Variants in RGS7 observed in about 807,000 individuals in gnomAD.
RGS7 encodes the protein regulator of G protein signaling 7, also known as regulator of G-protein signaling 7.
A neutral mutation model predicts 81.1 loss-of-function variants in RGS7; 27 were observed. That is an observed-to-expected ratio of 0.33 (90% CI 0.25 to 0.46). The LOEUF (loss-of-function observed/expected upper bound fraction) is 0.46, where lower values mean the gene tolerates loss of function less well. Among genes scored for constraint, RGS7 ranks in the 20% least tolerant of loss-of-function variants. The pLI is 1.00. For missense variants in RGS7, 396 were observed against 607.4 expected (o/e 0.65, Z 3.66); for synonymous variants, 208 against 207.7 (o/e 1.00, Z -0.01).
intron 3 of RGS7, among the ~76,000 whole-genome samples, chr1:241,046,308 C>CACT (rs1558642864): frequency 6.4e-5 from 1 of 15,656 alleles, no homozygotes; most frequent in Non-Finnish European, 2.2e-4. Flanking sequence ...CCTGACCCCC[C>CACT]CCCCCTTTTC....
At chr1:240,794,706 T>G (rs1267576917) in intron 18 of RGS7, among the ~76,000 whole-genome samples, 1 of 152,186 alleles carries the variant, frequency 6.6e-6, no homozygotes, top group East Asian at 1.9e-4. Context: ...GATTTGACAC[T>G]GTACTGCACT....
intron 9 of RGS7, among the ~76,000 whole-genome samples, chr1:240,845,796 C>T (rs563628774): frequency 6.6e-6 from 1 of 152,266 alleles, no homozygotes; most frequent in South Asian, 2.1e-4. Flanking sequence ...ATCCAGGTGG[C>T]ATGCATTTAA....
chr1:241,044,811 T>A (rs1475593737), intron 3 of RGS7, among the ~76,000 whole-genome samples: 1 of 152,194 alleles, frequency 6.6e-6, no homozygotes, highest in East Asian at 1.9e-4. Flanking sequence ...TGCCTCCATA[T>A]CTATAATCTT....
chr1:241,180,114 C>T (rs2071481216), intron 2 of RGS7, among the ~76,000 whole-genome samples: 1 of 152,116 alleles, frequency 6.6e-6, no homozygotes, highest in South Asian at 2.1e-4. Flanking sequence ...GTGGCTCACA[C>T]CTGTCATCCC....
chr1:241,132,741 A>ATTTATTTG (rs1553265451), intron 2 of RGS7, among the ~76,000 whole-genome samples: 9,256 of 151,082 alleles, frequency 0.061, 333 homozygotes, highest in Admixed American at 0.077. Context: ...TCAACTTATT[A>ATTTATTTG]TTTGTTTGTT....
At chr1:241,230,558 C>T (rs2148056733) in intron 2 of RGS7, among the ~76,000 whole-genome samples, 1 of 152,296 alleles carries the variant, frequency 6.6e-6, no homozygotes, top group East Asian at 1.9e-4. Flanking sequence ...CTGGGTATGC[C>T]ATGGGGCCCA....
chr1:240,935,426 G>A (rs1191944903), intron 5 of RGS7, among the ~76,000 whole-genome samples: 1 of 152,158 alleles, frequency 6.6e-6, no homozygotes, highest in Non-Finnish European at 1.5e-5. Flanking sequence ...AAGTTTTGCT[G>A]TATAAAGAAT....
At chr1:241,327,726 C>T (rs1049251750) in intron 2 of RGS7, among the ~76,000 whole-genome samples, 17 of 152,126 alleles carry the variant, frequency 1.1e-4, no homozygotes, top group African/African-American at 2.7e-4. Context: ...CAAGAATAAA[C>T]GTATGTAGGT....
At chr1:241,016,526 C>G (rs1425986903) in intron 3 of RGS7, among the ~76,000 whole-genome samples, 1 of 150,072 alleles carries the variant, frequency 6.7e-6, no homozygotes, top group African/African-American at 2.5e-5. Context: ...CAAAAAAACA[C>G]AAAAAACAAA....
intron 3 of RGS7, among the ~76,000 whole-genome samples, chr1:241,051,904 G>A (rs2061270800): frequency 6.6e-6 from 1 of 152,130 alleles, no homozygotes; most frequent in Admixed American, 6.6e-5. Flanking sequence ...AGCTTGAAGA[G>A]GTTAAAGAAC....
At chr1:241,213,364 C>T (rs1189005093) in intron 2 of RGS7, among the ~76,000 whole-genome samples, 1 of 152,146 alleles carries the variant, frequency 6.6e-6, no homozygotes, top group Non-Finnish European at 1.5e-5. Flanking sequence ...GCTGTCGGAA[C>T]TCATGTAAAA....
At chr1:241,311,272 G>A in intron 2 of RGS7, among the ~76,000 whole-genome samples, 1 of 152,126 alleles carries the variant, frequency 6.6e-6, no homozygotes, top group Non-Finnish European at 1.5e-5. Context: ...CAGAGCTTAA[G>A]AGAAAAGAAA....
At chr1:240,975,508 T>C (rs1256947747) in intron 4 of RGS7, among the ~76,000 whole-genome samples, 7 of 152,164 alleles carry the variant, frequency 4.6e-5, no homozygotes, top group African/African-American at 1.4e-4. Flanking sequence ...ACTCATTAGA[T>C]TGAGGGTCTT....
At chr1:241,273,379 A>C (rs950130639) in intron 2 of RGS7, among the ~76,000 whole-genome samples, 1 of 152,176 alleles carries the variant, frequency 6.6e-6, no homozygotes, top group Non-Finnish European at 1.5e-5. Flanking sequence ...TCTCCTTAAC[A>C]GCCCAGCCAC....
intron 18 of RGS7, among the ~76,000 whole-genome samples, chr1:240,789,217 TTTCCTA>T (rs1244664974): frequency 6.4e-4 from 98 of 152,346 alleles, no homozygotes; most frequent in Non-Finnish European, 8.7e-4. Context: ...ACCCTTGTGA[TTTCCTA>T]TGCCTGTCTT....
intron 2 of RGS7, among the ~76,000 whole-genome samples, chr1:241,318,607 C>T (rs920691481): frequency 2.0e-5 from 3 of 152,092 alleles, no homozygotes; most frequent in African/African-American, 7.2e-5. Context: ...CAGGCATGTG[C>T]CACCATACCT....
At chr1:240,855,717 T>G (rs950978240) in intron 9 of RGS7, among the ~76,000 whole-genome samples, 7 of 152,142 alleles carry the variant, frequency 4.6e-5, no homozygotes, top group African/African-American at 1.7e-4. Flanking sequence ...TTTTATTGTA[T>G]AGCTCTGGAC....
chr1:241,055,021 A>G (rs138013491), intron 3 of RGS7, among the ~76,000 whole-genome samples: 2 of 152,372 alleles, frequency 1.3e-5, no homozygotes, highest in African/African-American at 4.8e-5. Flanking sequence ...AATCATGACA[A>G]CATTAAAAAA....
chr1:241,009,168 A>C (rs2058834287), intron 3 of RGS7, among the ~76,000 whole-genome samples: 1 of 152,240 alleles, frequency 6.6e-6, no homozygotes, highest in South Asian at 2.1e-4. Context: ...ACTATCACAC[A>C]GTCTGAAACA....
Sources: gnomAD v4.1 joint callset for allele counts (sites outside exome capture counted in the v4.1 genomes callset) on GRCh38, gnomAD v4.1.1 for gene constraint, MANE v1.5 for transcripts, NCBI Gene and HGNC (gene_info 2026-07-23, HGNC 2026-07-21) for gene names.